Variants in TOR1AIP2 observed in about 807,000 individuals in gnomAD.
TOR1AIP2 encodes the protein torsin-1A-interacting protein 2.
In TOR1AIP2, 20 loss-of-function variants were observed where a neutral mutation model predicts 32.6. That is an observed-to-expected ratio of 0.61 (90% CI 0.43 to 0.89). The LOEUF (loss-of-function observed/expected upper bound fraction) is 0.89. Among genes scored for constraint, TOR1AIP2 ranks in the 40% least tolerant of loss-of-function variants. The pLI is 0.00. For missense variants in TOR1AIP2, 456 were observed against 553.8 expected (o/e 0.82, Z 1.77); for synonymous variants, 214 against 210.8 (o/e 1.02, Z -0.13).
At chr1:179,860,743 C>A in intron 3 of TOR1AIP2, 1 of 985,440 alleles carries the variant, frequency 1.0e-6, no homozygotes, top group Non-Finnish European at 1.2e-6. Context: ...AGAAACCCAG[C>A]TGGCTGCAAG....
chr1:179,846,626 A>G lies in TOR1AIP2; in HGVS notation c.858T>C (p.Asn286=). The change falls in exon 7 of 7, where the codon AAT becomes AAC. Residue 286 remains asparagine, a synonymous_variant. Coordinates refer to ENST00000609928, the MANE Select transcript of TOR1AIP2 (RefSeq NM_001199260.2). ...TGGCTGGCTCAGTGGGGTTGGAAGCATTGAGGTGCTTCTGGAGAAACTTCC... is the reference window on the plus strand; with the variant it reads ...TGGCTGGCTCAGTGGGGTTGGAAGCGTTGAGGTGCTTCTGGAGAAACTTCC... ...RGRKFLQKHL[N]ASNPTEPATI... 1 of 1,614,110 alleles carries G rather than the reference A, an allele frequency of 6.2e-7. No individual in the cohort carries two copies. The highest frequency in any genetic ancestry group is 2.2e-5 in the East Asian group (1 of 44,876).
intron 3 of TOR1AIP2, among the ~76,000 whole-genome samples, chr1:179,856,483 T>C (rs1370603013): frequency 6.6e-6 from 1 of 152,234 alleles, no homozygotes; most frequent in African/African-American, 2.4e-5. Context: ...ATATCATCAC[T>C]GTTCATAGTT....
chr1:179,848,996 C>T (rs552566984), intron 5 of TOR1AIP2, among the ~76,000 whole-genome samples: 7 of 151,742 alleles, frequency 4.6e-5, no homozygotes, highest in African/African-American at 1.2e-4. Flanking sequence ...ATTAGTTGGG[C>T]ACGGTGGCGG....
Position 179,845,533 on chromosome 1 carries a change from T to A in TOR1AIP2, c.*538A>T, listed in dbSNP as rs767754550. 1 of 152,446 alleles carries A rather than the reference T, an allele frequency of 6.6e-6. No homozygotes were observed. Among genetic ancestry groups the A allele is most frequent in the African/African-American group, 2.4e-5 (1 of 41,456 alleles). 9.4% of individuals were successfully genotyped at this position (152,446 alleles called of 1,614,324 possible). A position where few individuals can be genotyped will look rare whatever the true frequency, so the allele number is the denominator to read the frequency against. ...TAATGGTTTGAATTCTTATTTCTTT[T>A]ATCATACTACTCAAAACTGCAAAAT... On this transcript the variant is annotated 3_prime_UTR_variant, in exon 7 of 7. Transcript: ENST00000609928.
intron 3 of TOR1AIP2, chr1:179,859,191 A>G (rs1696418574): frequency 1.0e-6 from 1 of 983,934 alleles, no homozygotes; most frequent in Non-Finnish European, 1.2e-6. Flanking sequence ...TACAACAACT[A>G]TAAGAACTAC....
chr1:179,865,688 A>T lies in TOR1AIP2; in HGVS notation c.-399T>A, dbSNP rs1237525427. On this transcript the variant is annotated 5_prime_UTR_variant, in exon 3 of 7. Coordinates refer to ENST00000609928, the MANE Select transcript of TOR1AIP2 (RefSeq NM_001199260.2). ...GTTGTAACACACGTACCCAAGTCTT[A>T]AGGCCTTGGCACTTTATAGCAATGT... 6.5e-6 allele frequency: 1 copy of T among 154,038 alleles called. No homozygotes were observed. The highest frequency in any genetic ancestry group is 1.4e-5 in the Non-Finnish European group (1 of 69,124). 9.5% of individuals were successfully genotyped at this position (154,038 alleles called of 1,614,324 possible).
chr1:179,863,317 G>A lies in TOR1AIP2; in HGVS notation c.-147+2119C>T, dbSNP rs1021815388. On this transcript the variant is annotated intron_variant, in intron 3 of 6. Coordinates refer to ENST00000609928, the MANE Select transcript of TOR1AIP2 (RefSeq NM_001199260.2). ...GCTAACCCTATTCCCCTTTGCCAAG[G>A]TTTCCCAGGCTCCCTTGTAAACTGG... 9.1e-6 allele frequency: 9 copies of A among 984,540 alleles called. No homozygotes were observed. The South Asian group carries it at 3.8e-4, about 41-fold the overall frequency. 61.0% of individuals were successfully genotyped at this position (984,540 alleles called of 1,614,324 possible).
At chr1:179,860,832 G>GACTGGAGAGATGA (rs1347724688) in intron 3 of TOR1AIP2, 2 of 985,438 alleles carry the variant, frequency 2.0e-6, no homozygotes, top group Non-Finnish European at 2.4e-6. Flanking sequence ...TTGCCAGGGA[G>GACTGGAGAGATGA]ACTGGAGAGA....
At chr1:179,850,735 T>G (rs1354980989) in intron 5 of TOR1AIP2, 110 bp downstream of exon 5, 4 of 1,373,418 alleles carry the variant, frequency 2.9e-6, no homozygotes, top group Non-Finnish European at 2.0e-6. Context: ...AAGGCCTTAC[T>G]CCTATGAAAG....
chr1:179,847,317 T>C (rs1458770964), intron 6 of TOR1AIP2, among the ~76,000 whole-genome samples: 1 of 152,202 alleles, frequency 6.6e-6, no homozygotes, highest in East Asian at 1.9e-4. Context: ...TGTGAGAAAT[T>C]CCATTTTGTT....
rs769202039 is a variant in TOR1AIP2 at position 179,846,390 on chromosome 1, T to C, written c.1094A>G (p.His365Arg). Residue 365 changes from histidine to arginine, a missense_variant, in exon 7 of 7, where the codon CAC (histidine) becomes CGC (arginine). Transcript: ENST00000609928. Reference sequence around the variant, plus strand: ...GCCGGCAGGGAAGGATTCGAAGTGGTGTACCACAGCAGCCTTCTGGCCATT... The same window carrying C: ...GCCGGCAGGGAAGGATTCGAAGTGGCGTACCACAGCAGCCTTCTGGCCATT... ...FENGQKAAVV[H>R]HFESFPAGST... 36 of 1,614,008 alleles carry C rather than the reference T, an allele frequency of 2.2e-5. No individual in the cohort carries two copies. In the South Asian group the frequency reaches 3.6e-4, roughly 16 times the overall value.
chr1:179,862,446 C>T, intron 3 of TOR1AIP2: 2 of 985,310 alleles, frequency 2.0e-6, no homozygotes, highest in Non-Finnish European at 2.4e-6. Flanking sequence ...GTCAATTTAG[C>T]AGTTCACATA....
chr1:179,863,394 C>T, intron 3 of TOR1AIP2: 2 of 985,256 alleles, frequency 2.0e-6, no homozygotes, highest in Non-Finnish European at 2.4e-6. Flanking sequence ...TTGGGAAAGA[C>T]TTGATTCCCA....
Position 179,851,136 on chromosome 1 carries a change from C to T in TOR1AIP2, c.262G>A (p.Asp88Asn), listed in dbSNP as rs751817866. 4.3e-6 allele frequency: 7 copies of T among 1,614,158 alleles called. No homozygotes were observed. The South Asian group carries it at 6.6e-5, about 15-fold the overall frequency. The change falls in exon 5 of 7, where the codon GAT becomes AAT. Residue 88 changes from aspartate (D) to asparagine (N), a missense_variant. Coordinates refer to ENST00000609928, the MANE Select transcript of TOR1AIP2 (RefSeq NM_001199260.2). ...TCCAGAAAACTCTGCTTGTTCTCAT[C>T]TTCTGTTTTATCCTTTGGATGTTTC... The part of the protein sequence containing the change: ...VGKHPKDKTE[D>N]ENKQSFLDGG...
intron 4 of TOR1AIP2, among the ~76,000 whole-genome samples, 168 bp from the exon 5 acceptor site, chr1:179,851,531 C>CA (rs563919172): frequency 1.3e-5 from 2 of 151,638 alleles, no homozygotes; most frequent in Non-Finnish European, 2.9e-5. Flanking sequence ...AAAACAACAA[C>CA]AAAAAAAATC....
intron 3 of TOR1AIP2, among the ~76,000 whole-genome samples, chr1:179,853,818 T>A (rs1696202677): frequency 6.6e-6 from 1 of 152,206 alleles, no homozygotes; most frequent in South Asian, 2.1e-4. Flanking sequence ...TAAAGAGTGA[T>A]GCCATAGATA....
intron 2 of TOR1AIP2, among the ~76,000 whole-genome samples, chr1:179,869,932 A>G (rs1696945808): frequency 6.6e-6 from 1 of 152,214 alleles, no homozygotes; most frequent in South Asian, 2.1e-4. Flanking sequence ...TTTCTGTTCT[A>G]AACACTTTAT....
At chr1:179,863,164 T>G (rs1184488526) in intron 3 of TOR1AIP2, 1 of 746,340 alleles carries the variant, frequency 1.3e-6, no homozygotes, top group Admixed American at 7.8e-5. Flanking sequence ...AGGCAGAGGT[T>G]GCAGTGAACC....
At chr1:179,858,794 A>C (rs1696404493) in intron 3 of TOR1AIP2, among the ~76,000 whole-genome samples, 2 of 152,194 alleles carry the variant, frequency 1.3e-5, no homozygotes, top group Non-Finnish European at 2.9e-5. Context: ...CCTCCACTCC[A>C]TCCTGCAAAT....
Sources: allele counts gnomAD v4.1 joint callset (sites outside exome capture counted in the v4.1 genomes callset), GRCh38; gene constraint gnomAD v4.1.1; transcripts MANE v1.5; gene names NCBI Gene and HGNC (gene_info 2026-07-23, HGNC 2026-07-21).